Variants in SNRPN observed in about 807,000 individuals in gnomAD.
SNRPN encodes small nuclear ribonucleoprotein-associated protein N.
SNRPN carries 7 observed loss-of-function variants against 25.2 expected under a neutral mutation model. That is an observed-to-expected ratio of 0.28 (90% CI 0.16 to 0.52). SNRPN has a LOEUF of 0.52. Ranked by LOEUF, SNRPN falls within the 20% of genes least tolerant of loss-of-function variation. SNRPN has a pLI of 0.96. For missense variants in SNRPN, 196 were observed against 322.5 expected (o/e 0.61, Z 3.00); for synonymous variants, 124 against 110.6 (o/e 1.12, Z -0.76).
At chr15:24,914,567 T>TA (rs904131026) in intron 2 of SNRPN, among the ~76,000 whole-genome samples, 12 of 151,478 alleles carry the variant, frequency 7.9e-5, no homozygotes, top group African/African-American at 2.7e-4. Flanking sequence ...TAAAAATAAA[T>TA]AAAAAAAATT....
intron 2 of SNRPN, among the ~76,000 whole-genome samples, chr15:24,905,121 A>G (rs1220815175): frequency 2.0e-5 from 3 of 151,632 alleles, no homozygotes; most frequent in Non-Finnish European, 4.4e-5. Flanking sequence ...TCAAAAAAAA[A>G]AAAAAAAAAT....
intron 1 of SNRPN, among the ~76,000 whole-genome samples, chr15:24,864,314 C>G (rs1378723189): frequency 1.1e-4 from 16 of 148,800 alleles, no homozygotes; most frequent in Non-Finnish European, 1.5e-5. Context: ...AGGCAAGAAC[C>G]GCCGCTCCCG....
intron 3 of SNRPN, among the ~76,000 whole-genome samples, chr15:24,972,636 C>A (rs978025032): frequency 6.8e-6 from 1 of 146,088 alleles, no homozygotes; most frequent in Non-Finnish European, 1.5e-5. Context: ...ACTTTTGAAT[C>A]CTTTTCAAAA....
upstream of SNRPN, among the ~76,000 whole-genome samples, chr15:24,852,724 A>C (rs754628112): frequency 6.6e-6 from 1 of 152,204 alleles, no homozygotes; most frequent in Non-Finnish European, 1.5e-5. Context: ...CAGCAATTCA[A>C]GACCAATCTG....
intron 1 of SNRPN, among the ~76,000 whole-genome samples, chr15:24,878,185 C>T (rs1439836498): frequency 6.6e-6 from 1 of 152,238 alleles, no homozygotes; most frequent in Non-Finnish European, 1.5e-5. Flanking sequence ...CTTTAAAACG[C>T]TTTCCAATCT....
At chr15:24,928,834 C>T (rs959120760) in intron 3 of SNRPN, among the ~76,000 whole-genome samples, 46 of 152,198 alleles carry the variant, frequency 3.0e-4, no homozygotes, top group African/African-American at 1.0e-3. Context: ...TCTCAAACTC[C>T]TGGCCTAAAA....
At chr15:24,832,516 A>G (rs987275255) in intron 2 of SNRPN, among the ~76,000 whole-genome samples, 7 of 152,004 alleles carry the variant, frequency 4.6e-5, no homozygotes, top group African/African-American at 1.7e-4. Flanking sequence ...AATTGAGGGG[A>G]GGATTGAAAA....
chr15:24,858,380 A>G (rs1425192389), intron 1 of SNRPN, among the ~76,000 whole-genome samples: 1 of 152,134 alleles, frequency 6.6e-6, no homozygotes. Context: ...TAATTTTCTC[A>G]GTTATGATTT....
intron 2 of SNRPN, among the ~76,000 whole-genome samples, chr15:24,847,967 T>TA (rs1431579590): frequency 6.6e-6 from 1 of 151,834 alleles, no homozygotes; most frequent in Non-Finnish European, 1.5e-5. Flanking sequence ...AAGATTAGAG[T>TA]AATTTCTTAG....
chr15:24,848,222 G>C (rs1406213867), intron 2 of SNRPN: 1 of 138,152 alleles, frequency 7.2e-6, no homozygotes, highest in Admixed American at 7.2e-5. Context: ...TGGGGGGCGG[G>C]GGCGGCGGTG....
chr15:24,978,034 C>T, intron 8 of SNRPN, 118 bp downstream of exon 8: 2 of 1,224,564 alleles, frequency 1.6e-6, no homozygotes, highest in Non-Finnish European at 2.3e-6. Flanking sequence ...CTTCTAGATA[C>T]TGGTTTTTAA....
intron 2 of SNRPN, among the ~76,000 whole-genome samples, chr15:24,895,831 A>G (rs2058052431): frequency 6.6e-6 from 1 of 152,168 alleles, no homozygotes; most frequent in Non-Finnish European, 1.5e-5. Context: ...GCCTTAAGCC[A>G]AGGGTAGAAA....
chr15:24,918,594 A>ATG (rs61375412), intron 2 of SNRPN, among the ~76,000 whole-genome samples: 956 of 63,776 alleles, frequency 0.015, 15 homozygotes, highest in African/African-American at 0.021. Context: ...CATAATATAT[A>ATG]TGTATATATA....
At chr15:24,908,052 CAAAAAAAAA>C (rs71127014) in intron 2 of SNRPN, among the ~76,000 whole-genome samples, 21 of 70,710 alleles carry the variant, frequency 3.0e-4, no homozygotes, top group South Asian at 7.1e-4. Flanking sequence ...GACTCCATCT[CAAAAAAAAA>C]AAAAAAAAAA....
intron 1 of SNRPN, among the ~76,000 whole-genome samples, chr15:24,867,339 T>C (rs1053125462): frequency 2.6e-5 from 4 of 152,144 alleles, no homozygotes; most frequent in South Asian, 4.1e-4. Context: ...TTGATTTTAA[T>C]TTACATTTCC....
At chr15:24,956,198 G>C (rs1220896985) in intron 1 of SNRPN, among the ~76,000 whole-genome samples, 1 of 152,174 alleles carries the variant, frequency 6.6e-6, no homozygotes, top group Non-Finnish European at 1.5e-5. Context: ...GTGATGCCTG[G>C]GGGTTACTTT....
intron 2 of SNRPN, among the ~76,000 whole-genome samples, chr15:24,895,400 A>AC (rs2058018197): frequency 2.7e-5 from 4 of 147,234 alleles, no homozygotes; most frequent in Admixed American, 6.9e-5. Context: ...AATACACCCA[A>AC]ACACACACAC....
Position 24,872,893 on chromosome 15 carries a change from AAAAT to A in SNRPN, c.-578-13621_-578-13618del, listed in dbSNP as rs1217012653. Among the ~76,000 whole-genome samples the A allele has an allele frequency of 1.4e-3, 161 of 115,756 alleles. 25 individuals carry two copies. Among genetic ancestry groups the A allele is most frequent in the Non-Finnish European group, 2.2e-3 (115 of 53,456 alleles). The allele number at this position is 115,756 out of a possible 152,430, so 75.9% of individuals were successfully genotyped here. On this transcript the variant is annotated intron_variant, in intron 1 of 11. Coordinates refer to the SNRPN transcript ENST00000400097. ...TCTCAAAAAAAAAAAAAAAAAAAAAAAAATAGTTTTCCTCATTGAATTGCCTTGG... is the reference window on the plus strand; with the variant it reads ...TCTCAAAAAAAAAAAAAAAAAAAAAAAGTTTTCCTCATTGAATTGCCTTGG...
intron 2 of SNRPN, among the ~76,000 whole-genome samples, chr15:24,893,460 TA>T (rs2057840948): frequency 6.6e-6 from 1 of 151,594 alleles, no homozygotes; most frequent in African/African-American, 2.4e-5. Context: ...TTACTAAAAA[TA>T]AACAAAATTA....
Sources: allele counts gnomAD v4.1 joint callset (sites outside exome capture counted in the v4.1 genomes callset), GRCh38; gene constraint gnomAD v4.1.1; transcripts MANE v1.5; gene names NCBI Gene and HGNC (gene_info 2026-07-23, HGNC 2026-07-21).